The following JAZF1 variants were observed in gnomAD, a reference collection of about 807,000 sequenced individuals.
JAZF1 encodes the protein juxtaposed with another zinc finger protein 1.
A neutral mutation model predicts 26.4 loss-of-function variants in JAZF1; 8 were observed. That is an observed-to-expected ratio of 0.30 (90% CI 0.18 to 0.55). The LOEUF (loss-of-function observed/expected upper bound fraction) is 0.55. Ranked by LOEUF, JAZF1 falls within the 20% of genes least tolerant of loss-of-function variation. JAZF1 has a pLI of 0.94. For missense variants in JAZF1, 199 were observed against 322.0 expected, an observed-to-expected ratio of 0.62 and a Z score of 2.92; for synonymous variants, 126 against 122.3, an observed-to-expected ratio of 1.03 and a Z score of -0.20.
At chr7:28,179,353 A>G (rs1159539463) in intron 1 of JAZF1, among the ~76,000 whole-genome samples, 1 of 152,164 alleles carries the variant, frequency 6.6e-6, no homozygotes, top group East Asian at 1.9e-4. Context: ...ACTTCTGCAA[A>G]TCAGAGGACT....
At chr7:28,161,593 T>C (rs1226089650) in intron 1 of JAZF1, among the ~76,000 whole-genome samples, 3 of 152,146 alleles carry the variant, frequency 2.0e-5, no homozygotes, top group Non-Finnish European at 2.9e-5. Context: ...AGAAACTGCA[T>C]GTGATCTTCA....
At chr7:27,894,078 C>T (rs1220588622) in intron 3 of JAZF1, among the ~76,000 whole-genome samples, 1 of 152,204 alleles carries the variant, frequency 6.6e-6, no homozygotes, top group African/African-American at 2.4e-5. Flanking sequence ...TTAATCATTT[C>T]CACACTTGGG....
intron 1 of JAZF1, among the ~76,000 whole-genome samples, chr7:28,035,822 T>C (rs1185399109): frequency 6.6e-6 from 1 of 152,180 alleles, no homozygotes; most frequent in Non-Finnish European, 1.5e-5. Flanking sequence ...AATTCTCAAT[T>C]TCAATTCTAA....
intron 2 of JAZF1, among the ~76,000 whole-genome samples, chr7:27,968,940 G>T (rs1785324474): frequency 1.3e-5 from 2 of 152,128 alleles, no homozygotes; most frequent in Admixed American, 1.3e-4. Context: ...AATCAATCAA[G>T]TTTGTACGAA....
At chr7:27,845,394 G>A (rs1464391731) in intron 3 of JAZF1, among the ~76,000 whole-genome samples, 2 of 152,086 alleles carry the variant, frequency 1.3e-5, no homozygotes, top group African/African-American at 4.8e-5. Context: ...GCTCATCTTG[G>A]TGTCTCAGAA....
intron 3 of JAZF1, among the ~76,000 whole-genome samples, chr7:27,844,819 C>T (rs1782988794): frequency 6.6e-6 from 1 of 152,200 alleles, no homozygotes. Flanking sequence ...TGCACTGAGG[C>T]TATCAGGTTG....
chr7:28,177,253 G>A (rs1324893872), intron 1 of JAZF1, among the ~76,000 whole-genome samples: 1 of 152,156 alleles, frequency 6.6e-6, no homozygotes, highest in African/African-American at 2.4e-5. Flanking sequence ...TCTTCCAGGA[G>A]AGAAAAGAGC....
At chr7:27,874,216 C>T (rs1783633632) in intron 3 of JAZF1, among the ~76,000 whole-genome samples, 1 of 152,370 alleles carries the variant, frequency 6.6e-6, no homozygotes, top group African/African-American at 2.4e-5. Flanking sequence ...CCTGATCCCA[C>T]ACCACAGAAC....
At chr7:27,891,881 C>G (rs1783981377) in intron 3 of JAZF1, among the ~76,000 whole-genome samples, 1 of 152,084 alleles carries the variant, frequency 6.6e-6, no homozygotes, top group African/African-American at 2.4e-5. Context: ...ACATTGATTC[C>G]AACTATACCT....
intron 1 of JAZF1, 25 bp downstream of exon 1, chr7:28,180,438 C>T (rs1783626379): frequency 6.3e-7 from 1 of 1,588,774 alleles, no homozygotes; most frequent in Admixed American, 1.7e-5. Flanking sequence ...CGCCTGGCAC[C>T]CCCGCCCACC....
chr7:28,017,291 C>G (rs957559514), intron 1 of JAZF1, among the ~76,000 whole-genome samples: 2 of 145,350 alleles, frequency 1.4e-5, no homozygotes, highest in Admixed American at 1.4e-4. Flanking sequence ...GCAGAGGTTA[C>G]AGTGAGCTGA....
At chr7:28,093,574 ATTACCAC>A (rs1784336048) in intron 1 of JAZF1, among the ~76,000 whole-genome samples, 1 of 152,246 alleles carries the variant, frequency 6.6e-6, no homozygotes, top group Admixed American at 6.5e-5. Flanking sequence ...TTCTTCATCA[ATTACCAC>A]TTACATATGT....
intron 1 of JAZF1, among the ~76,000 whole-genome samples, chr7:28,118,641 ACTAATT>A (rs1228305660): frequency 6.6e-6 from 1 of 152,174 alleles, no homozygotes; most frequent in Non-Finnish European, 1.5e-5. Context: ...GTATTTCATT[ACTAATT>A]CTAATTTTCC....
At chr7:28,048,713 TAGC>T (rs1324261866) in intron 1 of JAZF1, among the ~76,000 whole-genome samples, 1 of 152,212 alleles carries the variant, frequency 6.6e-6, no homozygotes, top group Non-Finnish European at 1.5e-5. Context: ...TGAATGTTCA[TAGC>T]AGCATTATTC....
intron 1 of JAZF1, among the ~76,000 whole-genome samples, chr7:28,116,337 A>G (rs1784741262): frequency 6.6e-6 from 1 of 152,226 alleles, no homozygotes; most frequent in Admixed American, 6.5e-5. Context: ...ATTTTTGCCA[A>G]TCTGATAAAG....
intron 1 of JAZF1, among the ~76,000 whole-genome samples, chr7:28,167,149 T>C (rs1583595304): frequency 6.6e-6 from 1 of 152,178 alleles, no homozygotes; most frequent in South Asian, 2.1e-4. Context: ...CCCATGCTCA[T>C]TGCACAGAAG....
intron 2 of JAZF1, among the ~76,000 whole-genome samples, chr7:27,905,326 T>G (rs1784234176): frequency 1.1e-5 from 1 of 93,024 alleles, no homozygotes; most frequent in Non-Finnish European, 2.5e-5. Context: ...TTCCCGGTCT[T>G]TGGAGAATTC....
intron 1 of JAZF1, among the ~76,000 whole-genome samples, chr7:28,146,246 G>C (rs1201164753): frequency 6.6e-6 from 1 of 152,214 alleles, no homozygotes; most frequent in Non-Finnish European, 1.5e-5. Context: ...CCACCATCTT[G>C]AAGAAACCTC....
chr7:28,091,623 CAT>C (rs201047242), intron 1 of JAZF1, among the ~76,000 whole-genome samples: 4,280 of 146,802 alleles, frequency 0.029, 102 homozygotes, highest in Non-Finnish European at 0.041. Context: ...ATATATATAA[CAT>C]ATATATATAT....
Sources: gnomAD v4.1 joint callset for allele counts (sites outside exome capture counted in the v4.1 genomes callset) on GRCh38, gnomAD v4.1.1 for gene constraint, MANE v1.5 for transcripts, NCBI Gene and HGNC (gene_info 2026-07-23, HGNC 2026-07-21) for gene names.